Variants in PM20D2 observed in about 807,000 individuals in gnomAD.
PM20D2 encodes peptidase M20 domain containing 2.
In PM20D2, 33 loss-of-function variants were observed where a neutral mutation model predicts 42.9. That is an observed-to-expected ratio of 0.77 (90% CI 0.58 to 1.03). The LOEUF is 1.03. Among genes scored for constraint, PM20D2 ranks in the 50% least tolerant of loss-of-function variants. The pLI is 0.00. For missense variants in PM20D2, 548 were observed against 557.0 expected (o/e 0.98, Z 0.16); for synonymous variants, 250 against 228.2 (o/e 1.10, Z -0.86).
At chr6:89,108,332 A>G in the PM20D2 span, among the ~76,000 whole-genome samples, 2 of 152,222 alleles carry the variant, frequency 1.3e-5, no homozygotes, top group South Asian at 4.1e-4. Flanking sequence ...CCCTGTGGTT[A>G]TTTACAGATG....
chr6:89,117,744 G>C, the PM20D2 span: 1 of 1,379,926 alleles, frequency 7.2e-7, no homozygotes, highest in Non-Finnish European at 9.5e-7. Flanking sequence ...AGCCTCCGCC[G>C]GGCCTCGGCC....
chr6:89,161,905 A>T lies in PM20D2; in HGVS notation c.1156+15A>T, dbSNP rs770615355. The T allele has an allele frequency of 6.3e-7, 1 of 1,588,324 alleles. No individual in the cohort carries two copies. Among genetic ancestry groups the T allele is most frequent in the Non-Finnish European group, 8.6e-7 (1 of 1,156,896 alleles). ...TGAAGCTGCTGGTAAGTGTTGTTGG[A>T]TGTGACTGTTTTGGCACACACACTC... On this transcript the variant is annotated intron_variant, in intron 6 of 6. Coordinates refer to ENST00000275072, the MANE Select transcript of PM20D2 (RefSeq NM_001010853.3).
chr6:89,128,833 G>T, the PM20D2 span, among the ~76,000 whole-genome samples: 1 of 152,100 alleles, frequency 6.6e-6, no homozygotes, highest in African/African-American at 2.4e-5. Flanking sequence ...TTGAAATATT[G>T]GGGGCGAGTT....
chr6:89,123,153 G>T, the PM20D2 span, among the ~76,000 whole-genome samples: 6 of 152,124 alleles, frequency 3.9e-5, no homozygotes, highest in Non-Finnish European at 8.8e-5. Flanking sequence ...AAAATCTTGG[G>T]GGGGTGTTTC....
chr6:89,100,146 A>G, the PM20D2 span, among the ~76,000 whole-genome samples: 1 of 152,198 alleles, frequency 6.6e-6, no homozygotes. Context: ...TCCTTAAATC[A>G]CTGGCCATCT....
the PM20D2 span, among the ~76,000 whole-genome samples, chr6:89,123,136 G>C: frequency 1.3e-5 from 2 of 152,094 alleles, no homozygotes; most frequent in African/African-American, 4.8e-5. Flanking sequence ...AATGATGTTG[G>C]GTATTGAAAA....
chr6:89,139,933 A>G, the PM20D2 span, among the ~76,000 whole-genome samples: 3 of 152,208 alleles, frequency 2.0e-5, no homozygotes, highest in African/African-American at 7.2e-5. Context: ...AGTGGTCTGG[A>G]TTTGAATTTA....
chr6:89,138,169 C>A, the PM20D2 span, among the ~76,000 whole-genome samples: 1 of 152,012 alleles, frequency 6.6e-6, no homozygotes, highest in Non-Finnish European at 1.5e-5. Flanking sequence ...AAGCCATTCT[C>A]CTGCCTTGGC....
At chr6:89,111,337 T>C in the PM20D2 span, among the ~76,000 whole-genome samples, 3 of 152,226 alleles carry the variant, frequency 2.0e-5, no homozygotes, top group Non-Finnish European at 2.9e-5. Context: ...CTTGAAAATA[T>C]GTTGTAGTTT....
the PM20D2 span, among the ~76,000 whole-genome samples, chr6:89,120,346 C>A: frequency 6.6e-6 from 1 of 152,196 alleles, no homozygotes; most frequent in Admixed American, 6.5e-5. Flanking sequence ...TCACTTACAT[C>A]TGCAAAGATT....
the PM20D2 span, among the ~76,000 whole-genome samples, chr6:89,100,697 G>T: frequency 2.0e-3 from 309 of 152,278 alleles, 2 homozygotes; most frequent in African/African-American, 7.2e-3. Context: ...AGATCGTTCA[G>T]TGGAAAACTA....
chr6:89,134,549 A>G, the PM20D2 span, among the ~76,000 whole-genome samples: 3 of 151,166 alleles, frequency 2.0e-5, no homozygotes, highest in Non-Finnish European at 4.4e-5. Flanking sequence ...ACCCAAGCCT[A>G]TTCCTCAAAC....
At chr6:89,159,649 T>C (rs538126867) in intron 5 of PM20D2, among the ~76,000 whole-genome samples, 1 of 152,190 alleles carries the variant, frequency 6.6e-6, no homozygotes, top group East Asian at 1.9e-4. Context: ...AAGAAAATAG[T>C]TTTTAAGGGA....
chr6:89,130,015 C>T, the PM20D2 span, among the ~76,000 whole-genome samples: 10 of 151,808 alleles, frequency 6.6e-5, no homozygotes, highest in African/African-American at 9.7e-5. Context: ...GGATTACAGC[C>T]GTGAGCCACT....
the PM20D2 span, chr6:89,098,655 T>C: frequency 6.2e-6 from 10 of 1,614,038 alleles, no homozygotes; most frequent in South Asian, 1.1e-5. Flanking sequence ...GTTTGTACTT[T>C]AGTTTCAGAA....
chr6:89,107,866 G>A, the PM20D2 span, among the ~76,000 whole-genome samples: 1 of 152,164 alleles, frequency 6.6e-6, no homozygotes, highest in Non-Finnish European at 1.5e-5. Context: ...TGGTTGTTAT[G>A]CTTAATTTCC....
the PM20D2 span, chr6:89,117,935 G>A: frequency 3.9e-6 from 6 of 1,526,010 alleles, no homozygotes; most frequent in African/African-American, 1.4e-5. Context: ...CGCTGGACTC[G>A]CTCCGTCTCC....
At chr6:89,144,676 T>C (rs1325596038), upstream of PM20D2, among the ~76,000 whole-genome samples, 4 of 152,246 alleles carry the variant, frequency 2.6e-5, no homozygotes, top group Non-Finnish European at 5.9e-5. Flanking sequence ...CACAGAGTAA[T>C]TGCTCTACAA....
At chr6:89,117,952 C>T in the PM20D2 span, 6 of 1,492,320 alleles carry the variant, frequency 4.0e-6, no homozygotes, top group Middle Eastern at 1.8e-4. Context: ...CTCCCGCTAC[C>T]GCTGCTACCA....
Sources: gnomAD v4.1 joint callset for allele counts (sites outside exome capture counted in the v4.1 genomes callset) on GRCh38, gnomAD v4.1.1 for gene constraint, MANE v1.5 for transcripts, NCBI Gene and HGNC (gene_info 2026-07-23, HGNC 2026-07-21) for gene names.